KLF12: variants seen among roughly 807,000 people sequenced by gnomAD.
The protein encoded by KLF12 is KLF transcription factor 12, also known as Krueppel-like factor 12.
A neutral mutation model predicts 37.8 loss-of-function variants in KLF12; 9 were observed. The ratio of observed to expected loss-of-function variants is 0.24; its 90% CI spans 0.14 to 0.42. The LOEUF is 0.42. Among genes scored for constraint, KLF12 ranks in the 10% least tolerant of loss-of-function variants. The pLI, the probability that KLF12 is intolerant of heterozygous loss-of-function variation, is 1.00. For missense variants in KLF12, 411 were observed against 516.0 expected, an observed-to-expected ratio of 0.80 and a Z score of 1.97; for synonymous variants, 208 against 202.1, an observed-to-expected ratio of 1.03 and a Z score of -0.25.
chr13:74,193,584 T>C, the KLF12 span, among the ~76,000 whole-genome samples: 3 of 152,318 alleles, frequency 2.0e-5, no homozygotes, highest in East Asian at 1.9e-4. Context: ...TCAACAAGGA[T>C]CATTTCCCAC....
intron 2 of KLF12, among the ~76,000 whole-genome samples, chr13:73,946,038 G>A (rs1890408632): frequency 6.6e-6 from 1 of 152,124 alleles, no homozygotes; most frequent in Non-Finnish European, 1.5e-5. Context: ...CCAGTCTCAG[G>A]AAAGCCTTCC....
the KLF12 span, among the ~76,000 whole-genome samples, chr13:74,173,800 T>C: frequency 4.6e-5 from 7 of 152,228 alleles, no homozygotes; most frequent in Non-Finnish European, 1.0e-4. Flanking sequence ...AGATGAGTAT[T>C]GGGGAAAATG....
At chr13:73,822,912 A>G (rs1313623681) in intron 4 of KLF12, among the ~76,000 whole-genome samples, 2 of 152,224 alleles carry the variant, frequency 1.3e-5, no homozygotes, top group Non-Finnish European at 1.5e-5. Flanking sequence ...TTGTTCATTC[A>G]TTATAACTGC....
chr13:73,976,536 C>T (rs1891527734), intron 2 of KLF12, among the ~76,000 whole-genome samples: 1 of 152,196 alleles, frequency 6.6e-6, no homozygotes, highest in Non-Finnish European at 1.5e-5. Flanking sequence ...TGCCCCACAA[C>T]AGCCTCCCTA....
At chr13:74,129,010 A>G (rs1342129865) in intron 1 of KLF12, among the ~76,000 whole-genome samples, 1 of 152,200 alleles carries the variant, frequency 6.6e-6, no homozygotes, top group African/African-American at 2.4e-5. Flanking sequence ...ACATATAGAT[A>G]TATAAGATGA....
At chr13:73,924,247 G>A (rs142003187) in intron 3 of KLF12, among the ~76,000 whole-genome samples, 2 of 152,200 alleles carry the variant, frequency 1.3e-5, no homozygotes, top group African/African-American at 4.8e-5. Context: ...ATTGTGCTTT[G>A]CTTTATTGTG....
chr13:74,210,547 G>C, the KLF12 span, among the ~76,000 whole-genome samples: 1 of 152,098 alleles, frequency 6.6e-6, no homozygotes, highest in Non-Finnish European at 1.5e-5. Context: ...TCTGTGAGAC[G>C]ATGTCATTTC....
chr13:73,798,620 T>A (rs1882123206), intron 5 of KLF12, among the ~76,000 whole-genome samples: 1 of 152,026 alleles, frequency 6.6e-6, no homozygotes, highest in Non-Finnish European at 1.5e-5. Flanking sequence ...GAACAGACAC[T>A]TCTCAAAAGA....
At chr13:74,228,239 TA>T in the KLF12 span, among the ~76,000 whole-genome samples, 1 of 152,096 alleles carries the variant, frequency 6.6e-6, no homozygotes, top group Non-Finnish European at 1.5e-5. Context: ...CACCGTATGT[TA>T]AAAAATCTGA....
the KLF12 span, chr13:74,260,005 G>A: frequency 6.6e-6 from 1 of 152,080 alleles, no homozygotes; most frequent in Admixed American, 6.6e-5. Flanking sequence ...CTTCTTCTAA[G>A]CATTTTTCTA....
chr13:74,102,015 C>T (rs1367537630), intron 1 of KLF12, among the ~76,000 whole-genome samples: 5 of 151,208 alleles, frequency 3.3e-5, no homozygotes, highest in African/African-American at 9.7e-5. Flanking sequence ...GTCAGGAGTT[C>T]GGGACCAGCC....
chr13:74,248,343 C>A, the KLF12 span, among the ~76,000 whole-genome samples: 3 of 152,200 alleles, frequency 2.0e-5, no homozygotes, highest in African/African-American at 7.2e-5. Flanking sequence ...TGCTTGGATG[C>A]ATTGCTGTTG....
the KLF12 span, among the ~76,000 whole-genome samples, chr13:74,187,597 A>G: frequency 6.6e-6 from 1 of 152,224 alleles, no homozygotes. Context: ...CATTGGGAAC[A>G]TAGTAGACAG....
intron 1 of KLF12, among the ~76,000 whole-genome samples, chr13:74,035,695 A>C (rs1893229335): frequency 6.6e-6 from 1 of 152,180 alleles, no homozygotes; most frequent in Non-Finnish European, 1.5e-5. Context: ...TTGAAAGGGG[A>C]ATGAATTTTT....
chr13:74,086,780 G>A (rs1875333548), intron 1 of KLF12, among the ~76,000 whole-genome samples: 2 of 152,044 alleles, frequency 1.3e-5, no homozygotes, highest in African/African-American at 4.8e-5. Context: ...AAGCCTCACA[G>A]ATAACACAAA....
the KLF12 span, among the ~76,000 whole-genome samples, chr13:74,161,158 G>A: frequency 6.6e-6 from 1 of 151,692 alleles, no homozygotes; most frequent in Non-Finnish European, 1.5e-5. Context: ...GAGAAAGGTG[G>A]TTTAGTTAGA....
the KLF12 span, chr13:74,259,648 C>T: frequency 6.6e-6 from 1 of 152,176 alleles, no homozygotes; most frequent in Non-Finnish European, 1.5e-5. Flanking sequence ...TTAGCCAATA[C>T]TACAACAATG....
At chr13:73,932,246 T>C (rs577903283) in intron 3 of KLF12, among the ~76,000 whole-genome samples, 7 of 152,322 alleles carry the variant, frequency 4.6e-5, no homozygotes, top group Admixed American at 4.6e-4. Context: ...TTGAACATTA[T>C]AGTTCATTTA....
chr13:73,829,997 T>TA (rs1191834399), intron 4 of KLF12, among the ~76,000 whole-genome samples: 1 of 152,308 alleles, frequency 6.6e-6, no homozygotes, highest in East Asian at 1.9e-4. Flanking sequence ...AAAGGAGGTT[T>TA]AAGTATGAAG....
Sources: gnomAD v4.1 joint callset for allele counts (sites outside exome capture counted in the v4.1 genomes callset) on GRCh38, gnomAD v4.1.1 for gene constraint, MANE v1.5 for transcripts, NCBI Gene and HGNC (gene_info 2026-07-23, HGNC 2026-07-21) for gene names.